The following ABCC8 variants were observed in gnomAD, a reference collection of about 807,000 sequenced individuals.
The protein encoded by ABCC8 is ATP-binding cassette sub-family C member 8.
A neutral mutation model predicts 188.0 loss-of-function variants in ABCC8; 137 were observed. The ratio of observed to expected loss-of-function variants is 0.73; its 90% CI spans 0.63 to 0.84. The LOEUF (loss-of-function observed/expected upper bound fraction) is 0.84. Ranked by LOEUF, ABCC8 falls within the 40% of genes least tolerant of loss-of-function variation. ABCC8 has a pLI of 0.00. For missense variants in ABCC8, 1,750 were observed against 2,072.7 expected (o/e 0.84, Z 3.02); for synonymous variants, 797 against 846.5 (o/e 0.94, Z 1.01).
intron 3 of ABCC8, among the ~76,000 whole-genome samples, chr11:17,465,074 G>C (rs112649687): frequency 6.6e-6 from 1 of 152,314 alleles, no homozygotes; most frequent in African/African-American, 2.4e-5. Context: ...CATCCACCTT[G>C]GGTCCCTGCA....
At chr11:17,428,125 GT>G in intron 14 of ABCC8, 163 bp downstream of exon 14, 1 of 1,557,966 alleles carries the variant, frequency 6.4e-7, no homozygotes, top group South Asian at 1.2e-5. Flanking sequence ...AAGGCTGGGG[GT>G]CCCCCCACTT....
intron 23 of ABCC8, among the ~76,000 whole-genome samples, chr11:17,407,750 C>T (rs1954613539): frequency 6.6e-6 from 1 of 152,222 alleles, no homozygotes; most frequent in Non-Finnish European, 1.5e-5. Context: ...CCAATCCTCA[C>T]ATTCCACACC....
intron 19 of ABCC8, 27 bp from the exon 20 acceptor site, chr11:17,413,505 A>G (rs1441568576): frequency 6.2e-7 from 1 of 1,613,012 alleles, no homozygotes; most frequent in Non-Finnish European, 8.5e-7. Context: ...CAGGGGATGC[A>G]GCTGGTCAGC....
Position 17,413,497 on chromosome 11 carries a change from G to C in ABCC8, c.2391-19C>G. 1 of 1,613,372 alleles carries C rather than the reference G, an allele frequency of 6.2e-7. No individual in the cohort carries two copies. The highest frequency in any genetic ancestry group is 1.7e-5 in the Admixed American group (1 of 60,020). On this transcript the variant is annotated intron_variant, in intron 19 of 38. Coordinates refer to ENST00000389817, the MANE Select transcript of ABCC8 (RefSeq NM_000352.6). ...CTTGTACCTGGCGTGGGTAGAGGCAGGGGATGCAGCTGGTCAGCCTGGTCA... is the reference window on the plus strand; with the variant it reads ...CTTGTACCTGGCGTGGGTAGAGGCACGGGATGCAGCTGGTCAGCCTGGTCA...
intron 36 of ABCC8, 159 bp downstream of exon 36, chr11:17,395,013 C>A: frequency 1.1e-6 from 1 of 916,124 alleles, no homozygotes; most frequent in Admixed American, 2.2e-5. Context: ...AGACACCTGA[C>A]CTCTCTGGGC....
chr11:17,455,129 T>G (rs893210074), intron 6 of ABCC8, among the ~76,000 whole-genome samples: 1 of 152,142 alleles, frequency 6.6e-6, no homozygotes, highest in Non-Finnish European at 1.5e-5. Flanking sequence ...AGACATTTAT[T>G]TTGGGGTCAG....
Position 17,442,893 on chromosome 11 carries a change from C to T in ABCC8, c.1468-11G>A. 2 of 1,610,578 alleles carry T rather than the reference C, an allele frequency of 1.2e-6. No homozygotes were observed. Among genetic ancestry groups the T allele is most frequent in the Non-Finnish European group, 1.7e-6 (2 of 1,179,992 alleles). ...CTCATTGGAATACTCCTGCAGGGGT[C>T]CCCGAGTCAGAGGGGAGAGGCTTCT... is the stretch of plus-strand genomic sequence containing the variant. On this transcript the variant is annotated splice_polypyrimidine_tract_variant and intron_variant, in intron 9 of 38. Coordinates refer to ENST00000389817, the MANE Select transcript of ABCC8 (RefSeq NM_000352.6).
rs1426801179 is a variant in ABCC8 at position 17,392,966 on chromosome 11, G to T, written c.*25C>A. 1 of 1,612,850 alleles carries T rather than the reference G, an allele frequency of 6.2e-7. No individual in the cohort carries two copies. Among genetic ancestry groups the T allele is most frequent in the Admixed American group, 1.7e-5 (1 of 60,026 alleles). On this transcript the variant is annotated 3_prime_UTR_variant, in exon 39 of 39. Transcript: ENST00000389817. ...AGGGGTATGGGCAGGGTCCGAATGTGGGATGGCACTTGGGCTCTGGCAGGT... is the reference window on the plus strand; with the variant it reads ...AGGGGTATGGGCAGGGTCCGAATGTTGGATGGCACTTGGGCTCTGGCAGGT...
At chr11:17,473,681 A>C (rs1848602216) in intron 2 of ABCC8, among the ~76,000 whole-genome samples, 2 of 152,038 alleles carry the variant, frequency 1.3e-5, no homozygotes, top group African/African-American at 2.4e-5. Flanking sequence ...TCTGTCCCTG[A>C]CTGCTGACAC....
At chr11:17,437,863 C>T (rs1956168276) in intron 10 of ABCC8, among the ~76,000 whole-genome samples, 1 of 152,174 alleles carries the variant, frequency 6.6e-6, no homozygotes, top group South Asian at 2.1e-4. Context: ...TTTTGGGAGG[C>T]CAAGGCAGGT....
Position 17,397,323 on chromosome 11 carries a change from G to A in ABCC8, c.3868-10C>T, listed in dbSNP as rs2133409266. ...TGAGGTAGTTGGAGACCTGTGGGGA[G>A]CAAGCCAGTGGCGCACACTCCATGG... On this transcript the variant is annotated splice_polypyrimidine_tract_variant and intron_variant, in intron 31 of 38. Coordinates refer to ENST00000389817, the MANE Select transcript of ABCC8 (RefSeq NM_000352.6). The A allele has an allele frequency of 1.9e-6, 3 of 1,609,270 alleles. No individual in the cohort carries two copies. The highest frequency in any genetic ancestry group is 2.5e-6 in the Non-Finnish European group (3 of 1,179,976).
chr11:17,437,337 G>A (rs1269684904), intron 10 of ABCC8, among the ~76,000 whole-genome samples: 1 of 152,100 alleles, frequency 6.6e-6, no homozygotes, highest in African/African-American at 2.4e-5. Flanking sequence ...TGGCCCTTAT[G>A]GGCACCAGCC....
At chr11:17,460,780 G>A (rs1957161083) in intron 5 of ABCC8, 104 bp from the exon 6 acceptor site, 8 of 1,561,204 alleles carry the variant, frequency 5.1e-6, no homozygotes, top group Non-Finnish European at 6.9e-6. Flanking sequence ...GGGAAACCCA[G>A]TGGTCACATC....
At chr11:17,408,291 C>T (rs182570817) in intron 23 of ABCC8, 101 bp downstream of exon 23, 169 of 1,188,290 alleles carry the variant, frequency 1.4e-4, no homozygotes, top group Non-Finnish European at 2.0e-4. Flanking sequence ...CTTTAGGGGG[C>T]TTCCTGGGGC....
At chr11:17,455,046 T>G (rs1450677867) in intron 6 of ABCC8, among the ~76,000 whole-genome samples, 2 of 152,218 alleles carry the variant, frequency 1.3e-5, no homozygotes, top group Non-Finnish European at 2.9e-5. Context: ...TCCACTATTT[T>G]AAAGCAACAA....
At chr11:17,411,654 C>G (rs1420590603) in intron 21 of ABCC8, among the ~76,000 whole-genome samples, 2 of 152,150 alleles carry the variant, frequency 1.3e-5, no homozygotes, top group African/African-American at 4.8e-5. Context: ...CCAGGAAGCC[C>G]TCCCTGATTA....
At chr11:17,414,769 C>G in intron 18 of ABCC8, 159 bp from the exon 19 acceptor site, 1 of 916,250 alleles carries the variant, frequency 1.1e-6, no homozygotes, top group Non-Finnish European at 1.3e-6. Context: ...CCTTGCCTTC[C>G]CCCAGGCAGG....
chr11:17,427,155 C>T lies in ABCC8; in HGVS notation c.2117-1G>A, dbSNP rs797045207. The T allele has an allele frequency of 1.9e-6, 3 of 1,612,294 alleles. No individual in the cohort carries two copies. The highest frequency in any genetic ancestry group is 2.5e-6 in the Non-Finnish European group (3 of 1,179,160). The stretch of plus-strand genomic sequence containing the variant: ...TGCCCCACGATCATAGTCAGCTGGC[C>T]TGCAGGGAGGGAGGGTGGCAGATGT... On this transcript the variant is annotated splice_acceptor_variant, in intron 15 of 38. Transcript: ENST00000389817. LOFTEE classifies it high-confidence loss of function. The surrounding 1 kb of genome is among the most constrained non-coding windows in gnomAD (Gnocchi z 5.0).
Position 17,413,492 on chromosome 11 carries a change from A to C in ABCC8, c.2391-14T>G. The C allele has an allele frequency of 6.2e-7, 1 of 1,613,480 alleles. No homozygotes were observed. The highest frequency in any genetic ancestry group is 8.5e-7 in the Non-Finnish European group (1 of 1,180,018). The stretch of plus-strand genomic sequence containing the variant: ...ACCATCTTGTACCTGGCGTGGGTAG[A>C]GGCAGGGGATGCAGCTGGTCAGCCT... On this transcript the variant is annotated splice_polypyrimidine_tract_variant and intron_variant, in intron 19 of 38. Coordinates refer to ENST00000389817, the MANE Select transcript of ABCC8 (RefSeq NM_000352.6).
Sources: allele counts gnomAD v4.1 joint callset (sites outside exome capture counted in the v4.1 genomes callset), GRCh38; gene constraint gnomAD v4.1.1; non-coding constraint Gnocchi (gnomAD v3.1); transcripts MANE v1.5; gene names NCBI Gene and HGNC (gene_info 2026-07-23, HGNC 2026-07-21).